Variants in RETREG1 observed in about 807,000 individuals in gnomAD.
The protein encoded by RETREG1 is family with sequence similarity 134 member B.
RETREG1 carries 44 observed loss-of-function variants against 54.8 expected under a neutral mutation model. The observed-to-expected ratio is 0.80, with a 90% CI of 0.63 to 1.03. RETREG1 has a LOEUF of 1.03. Ranked by LOEUF, RETREG1 falls within the 50% of genes least tolerant of loss-of-function variation. The pLI, the probability that RETREG1 is intolerant of heterozygous loss-of-function variation, is 0.00. For synonymous variants in RETREG1, 217 were observed against 238.5 expected (o/e 0.91, Z 0.83); for missense variants, 554 against 605.1 (o/e 0.92, Z 0.89).
At position 16,615,202 on chromosome 5, in the gene RETREG1, C is replaced by G. The variant is rs373666274; in HGVS notation, c.320+1450G>C. On this transcript the variant is annotated intron_variant, in intron 1 of 8. Transcript: ENST00000306320. ...CACGAGGTCAGGAGATCGAGACCATCCTGGCTAACACGGTGAAACCCCGTC... is the reference window on the plus strand; with the variant it reads ...CACGAGGTCAGGAGATCGAGACCATGCTGGCTAACACGGTGAAACCCCGTC... 7.2e-4 allele frequency among the ~76,000 whole-genome samples: 109 copies of G among 151,904 alleles called. 1 individual carries two copies. The highest frequency in any genetic ancestry group is 2.6e-3 in the African/African-American group (109 of 41,386).
chr5:16,483,355 G>A lies in RETREG1; in HGVS notation c.576C>T (p.Ser192=), dbSNP rs866694927. 1 of 1,613,082 alleles carries A rather than the reference G, an allele frequency of 6.2e-7. No individual in the cohort carries two copies. Among genetic ancestry groups the A allele is most frequent in the Non-Finnish European group, 8.5e-7 (1 of 1,179,322 alleles). The stretch of plus-strand genomic sequence containing the variant: ...TTACTGGAAAACTTGCCTTGCCAGG[G>A]CTCTGCTGTTTAAAAAGAGACATTT... ...LQEMSLFKQQ[S]PGKFCLLVCS... is the part of the protein sequence containing the mutation. Residue 192 remains serine (S), a synonymous_variant, in exon 4 of 9, where the codon AGC becomes AGT. Coordinates refer to ENST00000306320, the MANE Select transcript of RETREG1 (RefSeq NM_001034850.3).
chr5:16,501,757 C>G (rs1405169424), intron 3 of RETREG1, among the ~76,000 whole-genome samples: 2 of 151,716 alleles, frequency 1.3e-5, no homozygotes, highest in Non-Finnish European at 1.5e-5. Flanking sequence ...GTTGGTCAGG[C>G]TGGTTTTGAA....
rs1261948157 is a variant in RETREG1 at position 16,593,136 on chromosome 5, TC to T, written c.321-21035del. ...ACAACAGTGAACCCCTGACTCACCA[TC>T]CCATGCCCAGTGGTCACACTCAGCA... On this transcript the variant is annotated intron_variant, in intron 1 of 8. Transcript: ENST00000306320. This position sits in a 1 kb window ranked among gnomAD's most constrained non-coding sequence, Gnocchi z 4.9. Among the ~76,000 whole-genome samples, 4 of 152,188 alleles carry T rather than the reference TC, an allele frequency of 2.6e-5. No homozygotes were observed. The highest frequency in any genetic ancestry group is 6.5e-5 in the Admixed American group (1 of 15,278).
At chr5:16,602,864 C>T (rs1019747642) in intron 1 of RETREG1, among the ~76,000 whole-genome samples, 6 of 152,068 alleles carry the variant, frequency 3.9e-5, no homozygotes, top group East Asian at 1.9e-4. Context: ...CAAAATTACC[C>T]GGGCCTGGTG....
At chr5:16,582,807 A>G (rs1191937408) in intron 1 of RETREG1, among the ~76,000 whole-genome samples, 1 of 152,152 alleles carries the variant, frequency 6.6e-6, no homozygotes, top group African/African-American at 2.4e-5. Context: ...AAGCCCCGAG[A>G]GTGAGGGCAC....
chr5:16,538,569 G>A (rs1213286564), intron 3 of RETREG1, among the ~76,000 whole-genome samples: 5 of 152,082 alleles, frequency 3.3e-5, no homozygotes, highest in Admixed American at 6.6e-5. Context: ...ACAGAGATCC[G>A]AACTCAAGTC....
intron 1 of RETREG1, among the ~76,000 whole-genome samples, chr5:16,576,340 T>C (rs1579700486): frequency 6.7e-6 from 1 of 149,714 alleles, no homozygotes; most frequent in South Asian, 2.1e-4. Flanking sequence ...GTCGCCAGGC[T>C]GGAGGGCAGT....
chr5:16,582,790 C>T (rs1427006393), intron 1 of RETREG1, among the ~76,000 whole-genome samples: 1 of 152,146 alleles, frequency 6.6e-6, no homozygotes, highest in Non-Finnish European at 1.5e-5. Flanking sequence ...CTGCACTGGC[C>T]GCTCAGAAGC....
At chr5:16,506,325 C>A (rs946527397) in intron 3 of RETREG1, among the ~76,000 whole-genome samples, 7 of 152,214 alleles carry the variant, frequency 4.6e-5, no homozygotes, top group African/African-American at 1.7e-4. Context: ...CTGCTGCAAT[C>A]AAGCTCTAAG....
At chr5:16,566,869 G>A (rs1181714272) in intron 2 of RETREG1, among the ~76,000 whole-genome samples, 2 of 152,122 alleles carry the variant, frequency 1.3e-5, no homozygotes, top group Non-Finnish European at 2.9e-5. Context: ...AAAACAAATG[G>A]AGAACTCAAA....
intron 3 of RETREG1, among the ~76,000 whole-genome samples, chr5:16,517,819 C>G (rs1481861987): frequency 6.6e-6 from 1 of 152,114 alleles, no homozygotes; most frequent in Non-Finnish European, 1.5e-5. Flanking sequence ...AAATCACACA[C>G]ACAAAATTTA....
intron 1 of RETREG1, among the ~76,000 whole-genome samples, chr5:16,586,459 C>T (rs977075824): frequency 6.6e-6 from 1 of 152,118 alleles, no homozygotes; most frequent in African/African-American, 2.4e-5. Flanking sequence ...ATCAGAATTA[C>T]TTGGGGCATT....
intron 5 of RETREG1, among the ~76,000 whole-genome samples, 172 bp downstream of exon 5, chr5:16,480,837 T>A (rs1483342488): frequency 6.6e-6 from 1 of 152,070 alleles, no homozygotes; most frequent in East Asian, 1.9e-4. Context: ...AATTTTAAAA[T>A]AGAGACATGT....
At chr5:16,573,113 C>T (rs961093523) in intron 1 of RETREG1, among the ~76,000 whole-genome samples, 7 of 120,680 alleles carry the variant, frequency 5.8e-5, no homozygotes, top group Non-Finnish European at 1.1e-4. Context: ...ACCTGGGAGG[C>T]GGAGGTTGCA....
chr5:16,516,005 A>G (rs968936728), intron 3 of RETREG1, among the ~76,000 whole-genome samples: 6 of 152,054 alleles, frequency 3.9e-5, no homozygotes, highest in African/African-American at 1.4e-4. Context: ...GTGTTTGCCA[A>G]AGGACAGAAG....
rs1041342598 is a variant in RETREG1, at chr5:16,478,305, C to G, written c.809-207G>C. Among the ~76,000 whole-genome samples the G allele has an allele frequency of 3.3e-5, 5 of 152,244 alleles. No individual in the cohort carries two copies. In the East Asian group the frequency reaches 9.7e-4, roughly 29 times the overall value. On this transcript the variant is annotated intron_variant, in intron 6 of 8. Transcript: ENST00000306320. ...AAGGAAATGATCCACATTAGTGGCT[C>G]TCTTAATATTGTCCCTGAAACAGCA...
At chr5:16,614,805 A>G (rs1743445192) in intron 1 of RETREG1, among the ~76,000 whole-genome samples, 1 of 152,258 alleles carries the variant, frequency 6.6e-6, no homozygotes, top group Non-Finnish European at 1.5e-5. Flanking sequence ...CATCCTTACA[A>G]TAGAATTCTG....
rs1739062286 is a variant in RETREG1 at position 16,487,449 on chromosome 5, C to A, written c.459-3977G>T. On this transcript the variant is annotated intron_variant, in intron 3 of 8. Transcript: ENST00000306320. ...ACCATTTAAGAGTCACCCCCGATGA[C>A]CATCATCCCCAACTTTCCATCCTCG... is the stretch of plus-strand genomic sequence containing the variant. Among the ~76,000 whole-genome samples the A allele has an allele frequency of 2.0e-5, 3 of 152,212 alleles. No individual in the cohort carries two copies. The South Asian group carries it at 6.2e-4, about 32-fold the overall frequency.
chr5:16,587,211 G>A lies in RETREG1; in HGVS notation c.321-15109C>T, dbSNP rs78954417. Among the ~76,000 whole-genome samples the A allele has an allele frequency of 3.1e-3, 469 of 152,264 alleles. 2 individuals carry two copies. The highest frequency in any genetic ancestry group is 5.6e-3 in the Non-Finnish European group (378 of 68,020). The stretch of plus-strand genomic sequence containing the variant: ...CAAGACACACAGTAATGAATTCAAG[G>A]AACCGTCCTAGGCATGCCCACTACA... On this transcript the variant is annotated intron_variant, in intron 1 of 8. Transcript: ENST00000306320.
Sources: allele counts gnomAD v4.1 joint callset (sites outside exome capture counted in the v4.1 genomes callset), GRCh38; gene constraint gnomAD v4.1.1; non-coding constraint Gnocchi (gnomAD v3.1); transcripts MANE v1.5; gene names NCBI Gene and HGNC (gene_info 2026-07-23, HGNC 2026-07-21).